Variants in ANO4 observed in about 807,000 individuals in gnomAD.
ANO4 encodes anoctamin 4, also known as anoctamin-4.
ANO4 carries 69 observed loss-of-function variants against 141.9 expected under a neutral mutation model. The ratio of observed to expected loss-of-function variants is 0.49; its 90% confidence interval spans 0.40 to 0.59. The LOEUF (loss-of-function observed/expected upper bound fraction) is 0.59. ANO4 is among the 20% of genes least tolerant of loss of function. The pLI is 0.00. For synonymous variants in ANO4, 350 were observed against 394.3 expected, an observed-to-expected ratio of 0.89 and a Z score of 1.33; for missense variants, 894 against 1,162.2, an observed-to-expected ratio of 0.77 and a Z score of 3.36.
intron 1 of ANO4, among the ~76,000 whole-genome samples, chr12:100,807,416 C>T (rs1274501918): frequency 1.3e-5 from 2 of 152,058 alleles, no homozygotes; most frequent in African/African-American, 4.8e-5. Context: ...TATGGCTAGC[C>T]TCACCCCTAT....
At chr12:100,831,878 A>C (rs1565916260) in intron 1 of ANO4, among the ~76,000 whole-genome samples, 3 of 152,080 alleles carry the variant, frequency 2.0e-5, no homozygotes, top group African/African-American at 4.8e-5. Flanking sequence ...CTAAAATTCC[A>C]GACTCTTCTG....
intron 14 of ANO4, among the ~76,000 whole-genome samples, chr12:101,053,928 T>C (rs1184447716): frequency 1.3e-5 from 2 of 152,174 alleles, no homozygotes; most frequent in Admixed American, 1.3e-4. Flanking sequence ...ACATCATCAA[T>C]TGTATTTGGG....
chr12:100,918,671 C>G (rs2041463042), intron 2 of ANO4, among the ~76,000 whole-genome samples: 1 of 152,178 alleles, frequency 6.6e-6, no homozygotes, highest in South Asian at 2.1e-4. Context: ...AACAAACCTA[C>G]TGTGCTGCCA....
intron 2 of ANO4, among the ~76,000 whole-genome samples, chr12:100,920,250 A>G (rs2041569238): frequency 6.6e-6 from 1 of 152,068 alleles, no homozygotes; most frequent in South Asian, 2.1e-4. Context: ...GATATGGGTG[A>G]TTTTAAAGAC....
intron 7 of ANO4, among the ~76,000 whole-genome samples, chr12:100,980,602 C>T (rs2044415295): frequency 6.6e-6 from 1 of 152,180 alleles, no homozygotes; most frequent in Non-Finnish European, 1.5e-5. Flanking sequence ...TCCATGAAAG[C>T]ATCTCTGAAA....
intron 1 of ANO4, among the ~76,000 whole-genome samples, chr12:100,724,741 A>G (rs1435600897): frequency 2.0e-5 from 3 of 152,156 alleles, no homozygotes; most frequent in African/African-American, 7.2e-5. Context: ...TTCAGTCACA[A>G]CAAAAAGAAA....
At chr12:100,965,571 A>C (rs991616322) in intron 5 of ANO4, among the ~76,000 whole-genome samples, 1 of 151,980 alleles carries the variant, frequency 6.6e-6, no homozygotes, top group Non-Finnish European at 1.5e-5. Context: ...GATCATTCCC[A>C]GCCCTCTTCT....
chr12:100,731,731 A>C (rs75154074), intron 1 of ANO4, among the ~76,000 whole-genome samples: 2 of 152,178 alleles, frequency 1.3e-5, no homozygotes, highest in Non-Finnish European at 2.9e-5. Context: ...AATGTCACAT[A>C]GTTGGAATCA....
At chr12:100,812,991 A>G (rs1249926396) in intron 1 of ANO4, among the ~76,000 whole-genome samples, 1 of 152,184 alleles carries the variant, frequency 6.6e-6, no homozygotes, top group African/African-American at 2.4e-5. Context: ...TGTATTGTTT[A>G]TCTCAAATAA....
At chr12:101,044,280 T>G (rs907924506) in intron 13 of ANO4, among the ~76,000 whole-genome samples, 2 of 152,148 alleles carry the variant, frequency 1.3e-5, no homozygotes, top group African/African-American at 4.8e-5. Context: ...TGGCATGACG[T>G]GAGGACTAAA....
At chr12:100,757,093 C>G (rs1327584665) in intron 3 of ANO4, among the ~76,000 whole-genome samples, 1 of 152,198 alleles carries the variant, frequency 6.6e-6, no homozygotes, top group Admixed American at 6.5e-5. Flanking sequence ...AAATCTGTCC[C>G]TTCTGCATTT....
intron 19 of ANO4, 69 bp from the exon 20 acceptor site, chr12:101,097,582 C>T (rs886777697): frequency 1.4e-6 from 2 of 1,456,646 alleles, no homozygotes; most frequent in Non-Finnish European, 1.9e-6. Flanking sequence ...ATGTGCTAAA[C>T]TAAATGTAAT....
intron 5 of ANO4, among the ~76,000 whole-genome samples, chr12:100,967,365 C>T (rs1351294242): frequency 6.6e-6 from 1 of 152,024 alleles, no homozygotes; most frequent in African/African-American, 2.4e-5. Flanking sequence ...CTAGAAACAG[C>T]GGTGTAATCA....
chr12:100,939,608 TA>T (rs2042424403), intron 4 of ANO4, among the ~76,000 whole-genome samples, 157 bp downstream of exon 4: 1 of 152,216 alleles, frequency 6.6e-6, no homozygotes, highest in Non-Finnish European at 1.5e-5. Flanking sequence ...CCCCCATGTC[TA>T]AGCATATTTC....
chr12:100,867,047 A>T (rs1488216181), intron 1 of ANO4, among the ~76,000 whole-genome samples: 1 of 151,960 alleles, frequency 6.6e-6, no homozygotes. Flanking sequence ...ATGGATCCCG[A>T]TTTTCTTTAC....
chr12:101,079,356 T>G, intron 15 of ANO4, 81 bp downstream of exon 15: 4 of 1,199,134 alleles, frequency 3.3e-6, no homozygotes, highest in South Asian at 1.3e-5. Context: ...TGTCACTCTC[T>G]GTTCTGTGAC....
At chr12:100,868,742 C>T (rs1233885275) in intron 1 of ANO4, among the ~76,000 whole-genome samples, 3 of 152,142 alleles carry the variant, frequency 2.0e-5, no homozygotes, top group Non-Finnish European at 4.4e-5. Flanking sequence ...ATCCTAGGTC[C>T]ACTTCACCAC....
intron 14 of ANO4, among the ~76,000 whole-genome samples, chr12:101,048,843 T>A (rs773102285): frequency 3.3e-5 from 5 of 152,110 alleles, no homozygotes; most frequent in Non-Finnish European, 5.9e-5. Flanking sequence ...GATTTGAGCT[T>A]TTTGATATAA....
chr12:101,022,116 G>C (rs554950668), intron 9 of ANO4, among the ~76,000 whole-genome samples: 95 of 150,598 alleles, frequency 6.3e-4, no homozygotes, highest in African/African-American at 2.2e-3. Flanking sequence ...GAAATAGATA[G>C]CTTTCTAGTC....
Sources: gnomAD v4.1 joint callset for allele counts (sites outside exome capture counted in the v4.1 genomes callset) on GRCh38, gnomAD v4.1.1 for gene constraint, MANE v1.5 for transcripts, NCBI Gene and HGNC (gene_info 2026-07-23, HGNC 2026-07-21) for gene names.